The following IFT22 variants were observed in gnomAD, a reference collection of about 807,000 sequenced individuals.
The protein encoded by IFT22 is intraflagellar transport 22.
IFT22 carries 13 observed loss-of-function variants against 21.0 expected under a neutral mutation model. The observed-to-expected ratio is 0.62, with a 90% CI of 0.40 to 0.98. IFT22 has a LOEUF of 0.98. Among genes scored for constraint, IFT22 ranks in the 50% least tolerant of loss-of-function variants. IFT22 has a pLI of 0.00. For missense variants in IFT22, 227 were observed against 228.9 expected (o/e 0.99, Z 0.06); for synonymous variants, 67 against 82.4 (o/e 0.81, Z 1.01).
At position 101,311,995 on chromosome 7, in the gene IFT22, A is replaced by G. The variant is rs1257604652; in HGVS notation, c.*3139T>C. Among the ~76,000 whole-genome samples the G allele has an allele frequency of 1.3e-5, 2 of 151,204 alleles. No homozygotes were observed. The highest frequency in any genetic ancestry group is 4.9e-5 in the African/African-American group (2 of 40,566). ...AAACAACACAAAAAAATCTCCTAAG[A>G]TGATTAAAACAAACTTGCTTCTACA... On this transcript the variant is annotated 3_prime_UTR_variant, in exon 5 of 5. Coordinates refer to ENST00000315322, the MANE Select transcript of IFT22 (RefSeq NM_022777.4).
rs895786021 is a variant in IFT22, at chr7:101,312,826, C to T, written c.*2308G>A. 3.3e-5 allele frequency among the ~76,000 whole-genome samples: 5 copies of T among 150,952 alleles called. No individual in the cohort carries two copies. Among genetic ancestry groups the T allele is most frequent in the African/African-American group, 1.2e-4 (5 of 41,024 alleles). On this transcript the variant is annotated 3_prime_UTR_variant, in exon 5 of 5. Transcript: ENST00000315322. ...CTGGGATTACAGGTGTGAGCCACTC[C>T]ACTCGGCACTTTTTTCTTTTTTTTG...
At position 101,316,592 on chromosome 7, in the gene IFT22, T is replaced by C. The variant is rs201604896; in HGVS notation, c.207-50A>G. ...GGGAAAGTTAGGTCATTCTGGTTTC[T>C]AACTGTGGACTTTAAAAAGAATATC... On this transcript the variant is annotated intron_variant, in intron 3 of 4. Transcript: ENST00000315322. 2.8e-5 allele frequency: 45 copies of C among 1,579,438 alleles called. No individual in the cohort carries two copies. In the East Asian group the frequency reaches 1.0e-3, roughly 35 times the overall value.
In IFT22 at chr7:101,312,027, C is replaced by T. The variant is rs893784800; in HGVS notation, c.*3107G>A. On this transcript the variant is annotated 3_prime_UTR_variant, in exon 5 of 5. Coordinates refer to ENST00000315322, the MANE Select transcript of IFT22 (RefSeq NM_022777.4). ...AAACAAACTTGCTTCTACAATAAAC[C>T]GTAAACTCACCGTATCTAGTGATTC... Among the ~76,000 whole-genome samples, 23 of 151,992 alleles carry T rather than the reference C, an allele frequency of 1.5e-4. No individual in the cohort carries two copies. Among genetic ancestry groups the T allele is most frequent in the South Asian group, 4.2e-4 (2 of 4,816 alleles).
rs1393015778 is a variant in IFT22 at position 101,312,866 on chromosome 7, T to C, written c.*2268A>G. Among the ~76,000 whole-genome samples, 1 of 150,550 alleles carries C rather than the reference T, an allele frequency of 6.6e-6. No individual in the cohort carries two copies. The highest frequency in any genetic ancestry group is 1.5e-5 in the Non-Finnish European group (1 of 67,724). On this transcript the variant is annotated 3_prime_UTR_variant, in exon 5 of 5. Coordinates refer to ENST00000315322, the MANE Select transcript of IFT22 (RefSeq NM_022777.4). ...TCTTTTTTTTGAGATGGAGTTTTGCTCTTGTTGCCCAGGCTGGAGTGCAAT... is the reference window on the plus strand; with the variant it reads ...TCTTTTTTTTGAGATGGAGTTTTGCCCTTGTTGCCCAGGCTGGAGTGCAAT...
rs1303502886 is a variant in IFT22, at chr7:101,313,930, CAG to C, written c.*1202_*1203del. On this transcript the variant is annotated 3_prime_UTR_variant, in exon 5 of 5. Coordinates refer to ENST00000315322, the MANE Select transcript of IFT22 (RefSeq NM_022777.4). ...GGAGTATAGTGGCGCGATCTCGGCT[CAG>C]TGCAATCTCTGCCTCCCAGGCTCAA... 2.0e-5 allele frequency: 3 copies of C among 152,258 alleles called. No homozygotes were observed. In the East Asian group the frequency reaches 5.8e-4, roughly 29 times the overall value. The allele number at this position is 152,258 out of a possible 1,614,324, so 9.4% of individuals were successfully genotyped here.
chr7:101,320,324 G>A (rs1173145571), intron 1 of IFT22, among the ~76,000 whole-genome samples: 1 of 151,288 alleles, frequency 6.6e-6, no homozygotes, highest in African/African-American at 2.4e-5. Context: ...AGGCTGGAGT[G>A]CAGTGGCGCA....
intron 2 of IFT22, 145 bp downstream of exon 2, chr7:101,318,811 T>G (rs1436059613): frequency 1.6e-6 from 1 of 616,578 alleles, no homozygotes; most frequent in African/African-American, 1.9e-5. Flanking sequence ...TAATGTTTTA[T>G]TTTTAGTTGA....
intron 1 of IFT22, among the ~76,000 whole-genome samples, chr7:101,320,679 A>T (rs572146935): frequency 1.3e-5 from 2 of 151,520 alleles, no homozygotes; most frequent in Non-Finnish European, 2.9e-5. Flanking sequence ...CAACACACAC[A>T]TTAATAGCCA....
Position 101,312,537 on chromosome 7 carries a change from T to G in IFT22, c.*2597A>C, listed in dbSNP as rs1051803185. On this transcript the variant is annotated 3_prime_UTR_variant, in exon 5 of 5. Coordinates refer to ENST00000315322, the MANE Select transcript of IFT22 (RefSeq NM_022777.4). ...TATAATGTTTTGGAGAGAGTTGTTT[T>G]TTTTTTTTTTTTTTTTGTGACGGAG... Among the ~76,000 whole-genome samples, 105 of 145,050 alleles carry G rather than the reference T, an allele frequency of 7.2e-4. 1 individual carries two copies. Among genetic ancestry groups the G allele is most frequent in the African/African-American group, 2.4e-3 (93 of 38,878 alleles).
Position 101,315,145 on chromosome 7 carries a change from T to C in IFT22, c.547A>G (p.Ile183Val), listed in dbSNP as rs547989963. 21 of 1,613,822 alleles carry C rather than the reference T, an allele frequency of 1.3e-5. No individual in the cohort carries two copies. The highest frequency in any genetic ancestry group is 3.3e-4 in the Middle Eastern group (2 of 6,056). ...CAGGTGAAGGCTGGCTAGGTCATAATTGACATCTCCTCCCTGTCTCTGCTC... is the reference window on the plus strand; with the variant it reads ...CAGGTGAAGGCTGGCTAGGTCATAACTGACATCTCCTCCCTGTCTCTGCTC... ...SESRDREEMS[I>V]MT The change falls in exon 5 of 5, where the codon ATT becomes GTT. Residue 183 changes from isoleucine (I) to valine (V), a missense_variant. Ile to Val is a conservative substitution (Grantham distance 29). Transcript: ENST00000315322.
intron 2 of IFT22, 133 bp from the exon 3 acceptor site, chr7:101,318,346 C>G (rs544208391): frequency 4.6e-4 from 263 of 576,834 alleles, no homozygotes; most frequent in Non-Finnish European, 7.3e-4. Flanking sequence ...ATGGTGAAAC[C>G]CTTGCTACAC....
intron 2 of IFT22, chr7:101,318,724 A>C (rs1245952947): frequency 2.1e-6 from 1 of 467,756 alleles, no homozygotes; most frequent in Non-Finnish European, 3.9e-6. Flanking sequence ...GCAGCCTCCA[A>C]CTCCTGGCCT....
rs919243865 is a variant in IFT22 at position 101,313,452 on chromosome 7, C to G, written c.*1682G>C. 6.6e-6 allele frequency: 1 copy of G among 152,040 alleles called. No individual in the cohort carries two copies. Among genetic ancestry groups the G allele is most frequent in the Non-Finnish European group, 1.5e-5 (1 of 68,136 alleles). The allele number at this position is 152,040 out of a possible 1,614,324, so 9.4% of individuals were successfully genotyped here. On this transcript the variant is annotated 3_prime_UTR_variant, in exon 5 of 5. Coordinates refer to ENST00000315322, the MANE Select transcript of IFT22 (RefSeq NM_022777.4). ...GCGGGTTCAGGCAATTCTGCCTCACCCTTCTGAGTAGCTGGGACTACAGGC... is the reference window on the plus strand; with the variant it reads ...GCGGGTTCAGGCAATTCTGCCTCACGCTTCTGAGTAGCTGGGACTACAGGC...
chr7:101,312,201 C>T lies in IFT22; in HGVS notation c.*2933G>A, dbSNP rs962017874. Among the ~76,000 whole-genome samples, 5 of 152,088 alleles carry T rather than the reference C, an allele frequency of 3.3e-5. No homozygotes were observed. The highest frequency in any genetic ancestry group is 4.2e-4 in the South Asian group (2 of 4,816). ...GGCGGATCACTCAAGGACAGGAGTTCGAGATCAGCTGGGGCAACATGGCAA... is the reference window on the plus strand; with the variant it reads ...GGCGGATCACTCAAGGACAGGAGTTTGAGATCAGCTGGGGCAACATGGCAA... On this transcript the variant is annotated 3_prime_UTR_variant, in exon 5 of 5. Coordinates refer to ENST00000315322, the MANE Select transcript of IFT22 (RefSeq NM_022777.4).
chr7:101,318,587 C>T lies in IFT22; in HGVS notation c.116+369G>A. ...CATTACACTTTTGGAATGCCAACAG[C>T]AACAAAAGTAGGAAGTGGGTGATGG... On this transcript the variant is annotated intron_variant, in intron 2 of 4. Transcript: ENST00000315322. 4 of 270,368 alleles carry T rather than the reference C, an allele frequency of 1.5e-5. No individual in the cohort carries two copies. The South Asian group carries it at 2.3e-4, about 15-fold the overall frequency. 16.7% of individuals were successfully genotyped at this position (270,368 alleles called of 1,614,324 possible). A position where few individuals can be genotyped will look rare whatever the true frequency, so the allele number is the denominator to read the frequency against.
In IFT22 at chr7:101,312,685, G is replaced by A. The variant is rs1462955984; in HGVS notation, c.*2449C>T. Among the ~76,000 whole-genome samples, 1 of 151,216 alleles carries A rather than the reference G, an allele frequency of 6.6e-6. No individual in the cohort carries two copies. Among genetic ancestry groups the A allele is most frequent in the African/African-American group, 2.4e-5 (1 of 41,064 alleles). ...TGAGTAGCTGGGATTACAGGTACCC[G>A]CCACCAGGCCCAGCTAATTTTTTGT... On this transcript the variant is annotated 3_prime_UTR_variant, in exon 5 of 5. Coordinates refer to ENST00000315322, the MANE Select transcript of IFT22 (RefSeq NM_022777.4).
At chr7:101,315,440 C>CGGCA in intron 4 of IFT22, 158 bp from the exon 5 acceptor site, 1 of 735,906 alleles carries the variant, frequency 1.4e-6, no homozygotes, top group Non-Finnish European at 2.2e-6. Context: ...GCTATACTGC[C>CGGCA]CCCTGGCGAC....
chr7:101,320,284 T>C (rs942062396), intron 1 of IFT22, among the ~76,000 whole-genome samples: 4 of 148,546 alleles, frequency 2.7e-5, no homozygotes, highest in African/African-American at 7.5e-5. Context: ...TTATTATTAG[T>C]TTTTGAGACG....
chr7:101,321,731 C>G lies in IFT22; in HGVS notation c.-22G>C, dbSNP rs200233985. Reference sequence around the variant, plus strand: ...GCATAGTTGTCCGCCGCGGCTTAGCCGGCCGGAGCCCACGGGAGGCGGCGC... The same window carrying G: ...GCATAGTTGTCCGCCGCGGCTTAGCGGGCCGGAGCCCACGGGAGGCGGCGC... On this transcript the variant is annotated 5_prime_UTR_variant, in exon 1 of 5. Transcript: ENST00000315322. 490 of 1,586,492 alleles carry G rather than the reference C, an allele frequency of 3.1e-4. 1 individual carries two copies. The African/African-American group carries it at 3.7e-3, about 12-fold the overall frequency.
Sources: allele counts gnomAD v4.1 joint callset (sites outside exome capture counted in the v4.1 genomes callset), GRCh38; gene constraint gnomAD v4.1.1; transcripts MANE v1.5; gene names NCBI Gene and HGNC (gene_info 2026-07-23, HGNC 2026-07-21).